PMFBP1: variants seen among roughly 807,000 people sequenced by gnomAD.
The protein encoded by PMFBP1 is polyamine-modulated factor 1-binding protein 1.
In PMFBP1, 131 loss-of-function variants were observed where a neutral mutation model predicts 137.8. The ratio of observed to expected loss-of-function variants is 0.95; its 90% CI spans 0.82 to 1.10. The LOEUF is 1.10. Ranked by LOEUF, PMFBP1 falls within the 50% of genes least tolerant of loss-of-function variation. PMFBP1 has a pLI of 0.00. For synonymous variants in PMFBP1, 490 were observed against 450.4 expected (o/e 1.09, Z -1.11); for missense variants, 1,199 against 1,175.4 (o/e 1.02, Z -0.29).
the PMFBP1 span, among the ~76,000 whole-genome samples, chr16:72,218,890 G>A: frequency 1.3e-5 from 2 of 152,078 alleles, no homozygotes; most frequent in Non-Finnish European, 2.9e-5. Flanking sequence ...GGCTTAGGAA[G>A]TAACCCCAAC....
At chr16:72,121,535 G>A (rs2042377209) in intron 19 of PMFBP1, among the ~76,000 whole-genome samples, 1 of 152,238 alleles carries the variant, frequency 6.6e-6, no homozygotes, top group African/African-American at 2.4e-5. Context: ...GATTCCAGGT[G>A]TTTGGAGATG....
chr16:72,241,515 T>C, the PMFBP1 span, among the ~76,000 whole-genome samples: 1 of 152,330 alleles, frequency 6.6e-6, no homozygotes, highest in East Asian at 1.9e-4. Flanking sequence ...TGCCATATAT[T>C]TGAACAGCCA....
downstream of PMFBP1, among the ~76,000 whole-genome samples, chr16:72,118,867 A>G (rs923807380): frequency 6.6e-6 from 1 of 152,140 alleles, no homozygotes; most frequent in African/African-American, 2.4e-5. Flanking sequence ...TGGAGTTTTT[A>G]GACTTTCTCT....
At chr16:72,218,856 G>C in the PMFBP1 span, among the ~76,000 whole-genome samples, 1 of 152,058 alleles carries the variant, frequency 6.6e-6, no homozygotes, top group Non-Finnish European at 1.5e-5. Context: ...TTGTTCTATG[G>C]GGTATGGGAA....
chr16:72,119,722 T>C, intron 20 of PMFBP1, 129 bp downstream of exon 20: 2 of 1,505,722 alleles, frequency 1.3e-6, no homozygotes, highest in Non-Finnish European at 1.8e-6. Flanking sequence ...CAACGATCTT[T>C]GGTCCAAAGT....
At chr16:72,226,468 A>C in the PMFBP1 span, among the ~76,000 whole-genome samples, 9 of 152,176 alleles carry the variant, frequency 5.9e-5, no homozygotes, top group Non-Finnish European at 1.2e-4. Context: ...GACACTAATG[A>C]CAAGTGACTG....
the PMFBP1 span, among the ~76,000 whole-genome samples, chr16:72,184,118 C>T: frequency 6.6e-6 from 1 of 152,198 alleles, no homozygotes; most frequent in Non-Finnish European, 1.5e-5. Context: ...CCTTCGCTTC[C>T]TTGGCAAGTC....
the PMFBP1 span, among the ~76,000 whole-genome samples, chr16:72,202,341 T>C: frequency 6.6e-6 from 1 of 152,220 alleles, no homozygotes; most frequent in East Asian, 1.9e-4. Context: ...TATCTCTTTT[T>C]AAAATTTTAT....
intron 3 of PMFBP1, among the ~76,000 whole-genome samples, chr16:72,161,257 C>A (rs553939289): frequency 6.6e-6 from 1 of 152,082 alleles, no homozygotes; most frequent in East Asian, 1.9e-4. Context: ...GCTACCATGC[C>A]TGGCTAATTT....
chr16:72,174,764 G>A (rs2043251435), upstream of PMFBP1, among the ~76,000 whole-genome samples: 1 of 152,148 alleles, frequency 6.6e-6, no homozygotes, highest in African/African-American at 2.4e-5. Context: ...CAGATCTCGT[G>A]AGAACTCATT....
At chr16:72,127,046 C>T (rs1284522964) in intron 14 of PMFBP1, among the ~76,000 whole-genome samples, 1 of 152,210 alleles carries the variant, frequency 6.6e-6, no homozygotes, top group Non-Finnish European at 1.5e-5. Context: ...GGACAGAGAT[C>T]TGCTTCTGAG....
chr16:72,243,590 T>C, the PMFBP1 span, among the ~76,000 whole-genome samples: 3 of 152,188 alleles, frequency 2.0e-5, no homozygotes, highest in Non-Finnish European at 4.4e-5. Flanking sequence ...TGTACCCCTC[T>C]TTTTGCCCCT....
the PMFBP1 span, among the ~76,000 whole-genome samples, chr16:72,203,590 T>C: frequency 6.6e-6 from 1 of 152,106 alleles, no homozygotes; most frequent in African/African-American, 2.4e-5. Flanking sequence ...AGCACCATCA[T>C]GGTTGTGTCA....
At chr16:72,142,069 C>G (rs540727734) in intron 5 of PMFBP1, among the ~76,000 whole-genome samples, 1 of 150,118 alleles carries the variant, frequency 6.7e-6, no homozygotes, top group South Asian at 2.1e-4. Flanking sequence ...CCCCATTAAA[C>G]TTGTCTCTCT....
upstream of PMFBP1, among the ~76,000 whole-genome samples, chr16:72,174,891 C>A (rs974396246): frequency 6.6e-6 from 1 of 152,170 alleles, no homozygotes; most frequent in South Asian, 2.1e-4. Context: ...ACAGCCAAAC[C>A]ATATCACCTT....
At chr16:72,172,374 T>G (rs924861441), upstream of PMFBP1, 1 of 150,872 alleles carries the variant, frequency 6.6e-6, no homozygotes, top group African/African-American at 2.4e-5. Context: ...ATGCTACATG[T>G]CCTTTATGAG....
At chr16:72,154,144 T>G in intron 4 of PMFBP1, 67 bp downstream of exon 4, 1 of 1,570,358 alleles carries the variant, frequency 6.4e-7, no homozygotes, top group South Asian at 1.2e-5. Flanking sequence ...TGCTTTCTAG[T>G]GGGCTTGGTC....
At chr16:72,204,825 A>T in the PMFBP1 span, among the ~76,000 whole-genome samples, 2 of 152,198 alleles carry the variant, frequency 1.3e-5, no homozygotes, top group East Asian at 3.8e-4. Flanking sequence ...AAGATGTTCT[A>T]TCTGTCCAGT....
At chr16:72,167,052 T>A (rs2043154916) in intron 2 of PMFBP1, among the ~76,000 whole-genome samples, 1 of 152,204 alleles carries the variant, frequency 6.6e-6, no homozygotes, top group African/African-American at 2.4e-5. Flanking sequence ...GGTCTGTCTT[T>A]TGAAATATAT....
Sources: gnomAD v4.1 joint callset for allele counts (sites outside exome capture counted in the v4.1 genomes callset) on GRCh38, gnomAD v4.1.1 for gene constraint, MANE v1.5 for transcripts, NCBI Gene and HGNC (gene_info 2026-07-23, HGNC 2026-07-21) for gene names.